FBXO15: variants seen among roughly 807,000 people sequenced by gnomAD.
FBXO15 encodes the protein F-box protein 15, also known as F-box only protein 15.
A neutral mutation model predicts 49.5 loss-of-function variants in FBXO15; 30 were observed. That is an observed-to-expected ratio of 0.61 (90% CI 0.45 to 0.82). The LOEUF (loss-of-function observed/expected upper bound fraction) is 0.82, where lower values mean the gene tolerates loss of function less well. Ranked by LOEUF, FBXO15 falls within the 40% of genes least tolerant of loss-of-function variation. FBXO15 has a pLI of 0.00. For synonymous variants in FBXO15, 250 were observed against 232.7 expected (o/e 1.07, Z -0.68); for missense variants, 591 against 631.5 (o/e 0.94, Z 0.69).
intron 8 of FBXO15, among the ~76,000 whole-genome samples, chr18:74,118,178 T>C (rs572438998): frequency 6.2e-4 from 94 of 152,078 alleles, no homozygotes; most frequent in Admixed American, 1.4e-3. Flanking sequence ...TTGTATTTTT[T>C]TGTAGAGGCC....
chr18:74,092,060 A>C (rs1913053487), intron 8 of FBXO15, among the ~76,000 whole-genome samples: 1 of 152,106 alleles, frequency 6.6e-6, no homozygotes, highest in Non-Finnish European at 1.5e-5. Context: ...TATTTCTTGG[A>C]GATTTTTTTC....
chr18:74,141,003 C>A (rs1979040691), intron 1 of FBXO15, among the ~76,000 whole-genome samples: 1 of 152,226 alleles, frequency 6.6e-6, no homozygotes, highest in Admixed American at 6.5e-5. Flanking sequence ...ACCAAATACT[C>A]ATCCACAAAC....
intron 8 of FBXO15, among the ~76,000 whole-genome samples, chr18:74,089,543 A>G (rs1455527028): frequency 2.0e-5 from 3 of 152,140 alleles, no homozygotes; most frequent in Non-Finnish European, 4.4e-5. Flanking sequence ...CCCATTCAGT[A>G]TAATATTGGT....
At chr18:74,134,380 T>C (rs1220489753) in intron 3 of FBXO15, among the ~76,000 whole-genome samples, 1 of 149,290 alleles carries the variant, frequency 6.7e-6, no homozygotes, top group African/African-American at 2.5e-5. Flanking sequence ...TTTTTTTTTT[T>C]TTTTTTTTGA....
intron 1 of FBXO15, among the ~76,000 whole-genome samples, chr18:74,140,524 T>G (rs553008165): frequency 2.1e-5 from 3 of 145,754 alleles, no homozygotes; most frequent in Middle Eastern, 4.1e-3. Flanking sequence ...GAAACCTTGA[T>G]GGTAAGCAAG....
intron 8 of FBXO15, among the ~76,000 whole-genome samples, chr18:74,092,735 G>A (rs1599142858): frequency 6.6e-6 from 1 of 152,238 alleles, no homozygotes; most frequent in Middle Eastern, 3.4e-3. Flanking sequence ...CCCCCCTCAG[G>A]ATGGAAACCT....
At chr18:74,089,340 A>C (rs1353277994) in intron 8 of FBXO15, among the ~76,000 whole-genome samples, 1 of 152,176 alleles carries the variant, frequency 6.6e-6, no homozygotes, top group Non-Finnish European at 1.5e-5. Flanking sequence ...GCTTTTGAGC[A>C]GAGACTATGG....
At position 74,117,647 on chromosome 18, in the gene FBXO15, C is replaced by T. The variant is rs545263080; in HGVS notation, c.1138+5721G>A. Among the ~76,000 whole-genome samples, 4 of 152,236 alleles carry T rather than the reference C, an allele frequency of 2.6e-5. No individual in the cohort carries two copies. In the South Asian group the frequency reaches 6.2e-4, roughly 24 times the overall value. ...CCTGACTCTCTACCACCTTCTGATT[C>T]CTCATCAATAACATGGGGAGGTGAA... On this transcript the variant is annotated intron_variant, in intron 8 of 9. Coordinates refer to ENST00000419743, the MANE Select transcript of FBXO15 (RefSeq NM_001142958.2).
At chr18:74,081,718 AAAG>A (rs1173506697) in intron 9 of FBXO15, among the ~76,000 whole-genome samples, 1 of 152,188 alleles carries the variant, frequency 6.6e-6, no homozygotes, top group African/African-American at 2.4e-5. Context: ...GTGACAAATG[AAAG>A]GTACTCAATA....
chr18:74,113,602 A>G (rs1246634346), intron 8 of FBXO15, among the ~76,000 whole-genome samples: 1 of 152,174 alleles, frequency 6.6e-6, no homozygotes, highest in East Asian at 1.9e-4. Context: ...TAAAAAGTAC[A>G]GTCTATTTTT....
rs200549733 is a variant in FBXO15, at chr18:74,126,110, G to A, written c.786-9C>T. The stretch of plus-strand genomic sequence containing the variant: ...AAGAATGCCATCGGAGTCTTTGAAC[G>A]TTATGCCAAGGAAAGGAGAGAGAGA... On this transcript the variant is annotated splice_polypyrimidine_tract_variant and intron_variant, in intron 5 of 9. Transcript: ENST00000419743. The A allele has an allele frequency of 7.3e-4, 1,181 of 1,612,866 alleles. 7 individuals carry two copies. Among genetic ancestry groups the A allele is most frequent in the Non-Finnish European group, 1.7e-4 (206 of 1,179,352 alleles).
intron 8 of FBXO15, among the ~76,000 whole-genome samples, chr18:74,084,510 C>T (rs1912649840): frequency 6.6e-6 from 1 of 152,220 alleles, no homozygotes; most frequent in African/African-American, 2.4e-5. Context: ...CAAGAGAAGC[C>T]ACAGAGCATG....
intron 8 of FBXO15, among the ~76,000 whole-genome samples, chr18:74,106,304 A>C (rs1913763772): frequency 6.6e-6 from 1 of 152,192 alleles, no homozygotes. Context: ...TTAATTACTG[A>C]CATGCAATTA....
chr18:74,111,470 A>T (rs1914030887), intron 8 of FBXO15, among the ~76,000 whole-genome samples: 1 of 152,062 alleles, frequency 6.6e-6, no homozygotes, highest in Non-Finnish European at 1.5e-5. Flanking sequence ...AAAAATTTAA[A>T]ATGTTTTGAA....
intron 8 of FBXO15, among the ~76,000 whole-genome samples, chr18:74,095,475 G>A (rs1293554500): frequency 6.6e-6 from 1 of 152,172 alleles, no homozygotes. Context: ...GAATAGAAAG[G>A]CCTGAGGGGA....
chr18:74,109,792 A>G (rs186504932), intron 8 of FBXO15, among the ~76,000 whole-genome samples: 34 of 152,020 alleles, frequency 2.2e-4, no homozygotes, highest in African/African-American at 7.2e-4. Flanking sequence ...GAACACATGG[A>G]CACAGGGCAG....
chr18:74,080,785 C>T (rs1568155124), intron 9 of FBXO15, among the ~76,000 whole-genome samples: 1 of 152,142 alleles, frequency 6.6e-6, no homozygotes, highest in African/African-American at 2.4e-5. Flanking sequence ...CTACATTTCC[C>T]TTTTTTCTCC....
intron 8 of FBXO15, among the ~76,000 whole-genome samples, chr18:74,121,932 T>C (rs1398404346): frequency 1.3e-5 from 2 of 152,104 alleles, no homozygotes; most frequent in Non-Finnish European, 2.9e-5. Flanking sequence ...ACTAAAATAA[T>C]AAAACGCCCT....
intron 8 of FBXO15, among the ~76,000 whole-genome samples, chr18:74,118,413 C>CAT (rs35545136): frequency 5.3e-4 from 74 of 139,892 alleles, no homozygotes; most frequent in Middle Eastern, 4.2e-3. Context: ...CATATATACA[C>CAT]ATATATATAT....
Sources: gnomAD v4.1 joint callset for allele counts (sites outside exome capture counted in the v4.1 genomes callset) on GRCh38, gnomAD v4.1.1 for gene constraint, MANE v1.5 for transcripts, NCBI Gene and HGNC (gene_info 2026-07-23, HGNC 2026-07-21) for gene names.